Variants in ATP8B4 observed in about 807,000 individuals in gnomAD.
ATP8B4 encodes ATPase phospholipid transporting 8B4 (putative).
A neutral mutation model predicts 145.6 loss-of-function variants in ATP8B4; 133 were observed. The ratio of observed to expected loss-of-function variants is 0.91; its 90% CI spans 0.79 to 1.05. The LOEUF (loss-of-function observed/expected upper bound fraction) is 1.05. Ranked by LOEUF, ATP8B4 falls within the 50% of genes least tolerant of loss-of-function variation. The pLI is 0.00. For synonymous variants in ATP8B4, 507 were observed against 492.9 expected, an observed-to-expected ratio of 1.03 and a Z score of -0.38; for missense variants, 1,458 against 1,425.2, an observed-to-expected ratio of 1.02 and a Z score of -0.37.
intron 6 of ATP8B4, among the ~76,000 whole-genome samples, chr15:50,027,498 C>T (rs2050102232): frequency 6.6e-6 from 1 of 152,166 alleles, no homozygotes; most frequent in African/African-American, 2.4e-5. Context: ...CTGATTGACA[C>T]TGAGCCAGCT....
At chr15:50,060,800 G>A (rs962230368) in intron 3 of ATP8B4, among the ~76,000 whole-genome samples, 4 of 152,146 alleles carry the variant, frequency 2.6e-5, no homozygotes, top group Non-Finnish European at 4.4e-5. Context: ...TGGGGCCCGA[G>A]AGTCTGCATT....
At chr15:49,895,086 A>T (rs1033473477) in intron 23 of ATP8B4, 3 of 152,268 alleles carry the variant, frequency 2.0e-5, no homozygotes, top group Admixed American at 6.5e-5. Context: ...CCTCAGGGAC[A>T]GTGGTCTGAC....
At chr15:49,960,033 G>GTTTT (rs34520441) in intron 14 of ATP8B4, among the ~76,000 whole-genome samples, 1 of 139,486 alleles carries the variant, frequency 7.2e-6, no homozygotes, top group Non-Finnish European at 1.5e-5. Context: ...AATTTTTTTG[G>GTTTT]TTTTTTTTTT....
chr15:49,961,354 G>T (rs1041261774), intron 14 of ATP8B4, among the ~76,000 whole-genome samples: 1 of 152,058 alleles, frequency 6.6e-6, no homozygotes, highest in Non-Finnish European at 1.5e-5. Context: ...TTGTGTCAGG[G>T]TAAATTGTTA....
At chr15:49,921,327 T>G (rs1206849635) in intron 17 of ATP8B4, among the ~76,000 whole-genome samples, 1 of 152,224 alleles carries the variant, frequency 6.6e-6, no homozygotes, top group East Asian at 1.9e-4. Flanking sequence ...TTCTATGAAG[T>G]TAGTACTAAA....
At chr15:50,028,475 G>A (rs527295933) in intron 6 of ATP8B4, among the ~76,000 whole-genome samples, 3 of 152,128 alleles carry the variant, frequency 2.0e-5, no homozygotes, top group Non-Finnish European at 4.4e-5. Context: ...ACCAGGCATT[G>A]TTTCATCTGC....
intron 3 of ATP8B4, among the ~76,000 whole-genome samples, chr15:50,065,834 A>T (rs1280926738): frequency 6.6e-6 from 1 of 152,096 alleles, no homozygotes; most frequent in Non-Finnish European, 1.5e-5. Context: ...TTAACTTAAA[A>T]TTTACTTCTC....
chr15:50,168,812 C>T (rs1205526425), intron 1 of ATP8B4, among the ~76,000 whole-genome samples: 2 of 152,168 alleles, frequency 1.3e-5, no homozygotes, highest in African/African-American at 4.8e-5. Flanking sequence ...TCGCCCTCCT[C>T]CTGGAAACAG....
intron 3 of ATP8B4, among the ~76,000 whole-genome samples, chr15:50,052,606 C>T (rs2052275995): frequency 1.3e-5 from 2 of 152,248 alleles, no homozygotes; most frequent in Non-Finnish European, 1.5e-5. Flanking sequence ...CTTCATCTCA[C>T]ATGTGGCAGA....
At chr15:49,997,891 C>T (rs377555440) in intron 8 of ATP8B4, among the ~76,000 whole-genome samples, 11 of 152,020 alleles carry the variant, frequency 7.2e-5, no homozygotes, top group South Asian at 2.1e-4. Context: ...ATTTCTAGGA[C>T]GCAGAGATGA....
chr15:49,897,587 C>G lies in ATP8B4; in HGVS notation c.2474-72G>C, dbSNP rs191810692. 3,366 of 1,298,766 alleles carry G rather than the reference C, an allele frequency of 2.6e-3. 13 individuals are homozygous for G. Among genetic ancestry groups the G allele is most frequent in the Non-Finnish European group, 3.1e-3 (3,075 of 978,898 alleles). 80.5% of individuals were successfully genotyped at this position (1,298,766 alleles called of 1,614,324 possible). On this transcript the variant is annotated intron_variant, in intron 22 of 27. Coordinates refer to ENST00000284509, the MANE Select transcript of ATP8B4 (RefSeq NM_024837.4). ...TCTCTTTTGGAAACTTGTCATTCCTCTTTTATTTACGGAAAACTTACAGCC... is the reference window on the plus strand; with the variant it reads ...TCTCTTTTGGAAACTTGTCATTCCTGTTTTATTTACGGAAAACTTACAGCC...
chr15:49,985,813 T>C (rs1432121618), intron 10 of ATP8B4, among the ~76,000 whole-genome samples: 1 of 152,296 alleles, frequency 6.6e-6, no homozygotes, highest in South Asian at 2.1e-4. Flanking sequence ...TCAAGCATCC[T>C]TTTCCGTATG....
intron 1 of ATP8B4, among the ~76,000 whole-genome samples, chr15:50,147,137 C>T (rs1265559856): frequency 1.3e-5 from 2 of 152,134 alleles, no homozygotes; most frequent in African/African-American, 4.8e-5. Context: ...ATGTATTAGC[C>T]AGGCACGGTG....
At chr15:49,867,445 A>T (rs956888836) in intron 25 of ATP8B4, among the ~76,000 whole-genome samples, 1 of 152,200 alleles carries the variant, frequency 6.6e-6, no homozygotes, top group Non-Finnish European at 1.5e-5. Flanking sequence ...TACAGGGTTT[A>T]TAAAAGTACA....
intron 1 of ATP8B4, among the ~76,000 whole-genome samples, chr15:50,146,945 T>A (rs140673513): frequency 6.6e-6 from 1 of 152,318 alleles, no homozygotes; most frequent in East Asian, 1.9e-4. Flanking sequence ...CACAAGCCAG[T>A]TGGAGTTTTT....
At chr15:50,041,830 C>T (rs1353099958) in intron 5 of ATP8B4, among the ~76,000 whole-genome samples, 1 of 152,166 alleles carries the variant, frequency 6.6e-6, no homozygotes, top group African/African-American at 2.4e-5. Context: ...GTCCCAGCTA[C>T]TCAGGAGGCT....
chr15:49,879,362 GA>G lies in ATP8B4; in HGVS notation c.2781+13del, dbSNP rs3840014. 4 of 1,593,560 alleles carry G rather than the reference GA, an allele frequency of 2.5e-6. No individual in the cohort carries two copies. The highest frequency in any genetic ancestry group is 1.7e-5 in the Admixed American group (1 of 57,802). ...AAAGAGAAACTAAGTTATAAAGATG[GA>G]AAAAAAACATACCTGGTCAAAAATC... is the stretch of plus-strand genomic sequence containing the variant. On this transcript the variant is annotated intron_variant, in intron 24 of 27. Coordinates refer to ENST00000284509, the MANE Select transcript of ATP8B4 (RefSeq NM_024837.4).
At chr15:50,177,196 T>G (rs2044777097) in intron 1 of ATP8B4, among the ~76,000 whole-genome samples, 1 of 152,212 alleles carries the variant, frequency 6.6e-6, no homozygotes. Context: ...AGCTTCATAA[T>G]CTATACTTTT....
chr15:50,036,390 CA>C (rs1260711273), intron 6 of ATP8B4, among the ~76,000 whole-genome samples: 2 of 152,078 alleles, frequency 1.3e-5, no homozygotes, highest in Admixed American at 6.5e-5. Context: ...TCCAATATCC[CA>C]AGGGCCAAGC....
Sources: allele counts gnomAD v4.1 joint callset (sites outside exome capture counted in the v4.1 genomes callset), GRCh38; gene constraint gnomAD v4.1.1; transcripts MANE v1.5; gene names NCBI Gene and HGNC (gene_info 2026-07-23, HGNC 2026-07-21).